CREB5: variants seen among roughly 807,000 people sequenced by gnomAD.
CREB5 encodes cAMP responsive element binding protein 5, also known as cyclic AMP-responsive element-binding protein 5.
Under a neutral mutation model 57.1 loss-of-function variants are expected in CREB5, and 19 were observed. That is an observed-to-expected ratio of 0.33 (90% confidence interval 0.23 to 0.49). The LOEUF (loss-of-function observed/expected upper bound fraction) is 0.49. CREB5 is among the 20% of genes least tolerant of loss of function. The pLI, the probability that CREB5 is intolerant of heterozygous loss-of-function variation, is 0.99. For missense variants in CREB5, 579 were observed against 671.6 expected, an observed-to-expected ratio of 0.86 and a Z score of 1.52; for synonymous variants, 238 against 238.3, an observed-to-expected ratio of 1.00 and a Z score of 0.01.
At chr7:28,499,670 G>A (rs1449056804) in intron 3 of CREB5, among the ~76,000 whole-genome samples, 1 of 152,146 alleles carries the variant, frequency 6.6e-6, no homozygotes, top group Non-Finnish European at 1.5e-5. Context: ...TGCAACCTCT[G>A]CTTCCCGGGT....
intron 4 of CREB5, among the ~76,000 whole-genome samples, chr7:28,538,719 A>G (rs148407280): frequency 1.7e-3 from 266 of 152,256 alleles, no homozygotes; most frequent in Middle Eastern, 0.01. Flanking sequence ...CCTTTCTAAT[A>G]TGTGCATTTA....
At chr7:28,506,974 C>CT (rs1001377792) in intron 3 of CREB5, among the ~76,000 whole-genome samples, 3 of 152,072 alleles carry the variant, frequency 2.0e-5, no homozygotes, top group Admixed American at 6.5e-5. Flanking sequence ...GCAGAACATT[C>CT]TTTTTTTGGC....
intron 1 of CREB5, among the ~76,000 whole-genome samples, chr7:28,429,896 C>T (rs7807779): frequency 0.21 from 32,503 of 152,126 alleles, 4,497 homozygotes; most frequent in South Asian, 0.31. Flanking sequence ...CTGGCTGGCA[C>T]CTCCTTCGCT....
At chr7:28,690,478 G>T (rs1307500479) in intron 5 of CREB5, among the ~76,000 whole-genome samples, 3 of 152,182 alleles carry the variant, frequency 2.0e-5, no homozygotes, top group Non-Finnish European at 4.4e-5. Flanking sequence ...GCAGGGTGGG[G>T]TCTCCTGAAA....
intron 5 of CREB5, among the ~76,000 whole-genome samples, chr7:28,682,089 A>G (rs1401972693): frequency 2.0e-5 from 3 of 152,192 alleles, no homozygotes; most frequent in African/African-American, 7.2e-5. Flanking sequence ...ATAGGTTTTG[A>G]CACAGGAAAG....
chr7:28,781,118 A>G (rs1175887884), intron 7 of CREB5, among the ~76,000 whole-genome samples: 1 of 152,214 alleles, frequency 6.6e-6, no homozygotes, highest in African/African-American at 2.4e-5. Context: ...ATTAGAGCCC[A>G]GACTGTAGCT....
chr7:28,675,564 GAAAC>G (rs1262271789), intron 5 of CREB5, among the ~76,000 whole-genome samples: 1 of 152,240 alleles, frequency 6.6e-6, no homozygotes, highest in African/African-American at 2.4e-5. Flanking sequence ...AGACGAGAGA[GAAAC>G]AAAAGGATCT....
chr7:28,621,199 T>TG (rs903015902), intron 5 of CREB5, among the ~76,000 whole-genome samples: 2 of 90,078 alleles, frequency 2.2e-5, no homozygotes, highest in African/African-American at 4.2e-5. Flanking sequence ...GGTTGGGGGG[T>TG]GGGGGTCACA....
At chr7:28,384,933 A>G (rs1351015470) in intron 1 of CREB5, among the ~76,000 whole-genome samples, 3 of 152,210 alleles carry the variant, frequency 2.0e-5, no homozygotes, top group Non-Finnish European at 4.4e-5. Flanking sequence ...GTCTTAGTCC[A>G]GAGATGTTTA....
chr7:28,483,419 C>T (rs191468804), intron 1 of CREB5, among the ~76,000 whole-genome samples: 1 of 152,170 alleles, frequency 6.6e-6, no homozygotes, highest in Non-Finnish European at 1.5e-5. Context: ...CATGAAAAAC[C>T]TCAACTCACT....
intron 1 of CREB5, among the ~76,000 whole-genome samples, chr7:28,331,968 A>G (rs754850548): frequency 2.0e-5 from 3 of 152,150 alleles, no homozygotes; most frequent in Non-Finnish European, 4.4e-5. Flanking sequence ...ACCTTTGAAT[A>G]TAACTATTTG....
chr7:28,383,746 G>A (rs1015470153), intron 1 of CREB5, among the ~76,000 whole-genome samples: 1 of 152,134 alleles, frequency 6.6e-6, no homozygotes, highest in African/African-American at 2.4e-5. Flanking sequence ...GTCCAACATG[G>A]GGGATTACAA....
At chr7:28,708,965 T>A (rs1802266844) in intron 5 of CREB5, among the ~76,000 whole-genome samples, 1 of 152,194 alleles carries the variant, frequency 6.6e-6, no homozygotes, top group Non-Finnish European at 1.5e-5. Context: ...GGCTACTTAT[T>A]TGTCCTTGTG....
chr7:28,693,400 C>T (rs1178378931), intron 5 of CREB5, among the ~76,000 whole-genome samples: 4 of 152,230 alleles, frequency 2.6e-5, no homozygotes, highest in Non-Finnish European at 5.9e-5. Context: ...ATTGAAGTCA[C>T]GTTGGGCTGC....
intron 4 of CREB5, among the ~76,000 whole-genome samples, chr7:28,557,884 G>T (rs960995774): frequency 6.6e-6 from 1 of 152,140 alleles, no homozygotes; most frequent in African/African-American, 2.4e-5. Flanking sequence ...CAGGTTTCTG[G>T]AGCACCTTAC....
intron 1 of CREB5, among the ~76,000 whole-genome samples, chr7:28,414,551 T>G (rs115376498): frequency 0.026 from 3,941 of 152,276 alleles, 136 homozygotes; most frequent in African/African-American, 0.083. Context: ...TAAACAGACT[T>G]AAAGACACAG....
At chr7:28,750,911 A>G (rs1804941574) in intron 7 of CREB5, among the ~76,000 whole-genome samples, 1 of 152,194 alleles carries the variant, frequency 6.6e-6, no homozygotes, top group African/African-American at 2.4e-5. Context: ...TCAGAACTGT[A>G]CTAAACATAG....
intron 2 of CREB5, among the ~76,000 whole-genome samples, chr7:28,489,905 A>C (rs1172569898): frequency 6.6e-6 from 1 of 152,220 alleles, no homozygotes; most frequent in African/African-American, 2.4e-5. Flanking sequence ...ATCCTGCTAG[A>C]CCAGGACTCT....
chr7:28,699,801 C>T (rs6462098), intron 5 of CREB5, among the ~76,000 whole-genome samples: 138,787 of 152,078 alleles, frequency 0.91, 63,416 homozygotes, highest in Admixed American at 0.93. Context: ...GGGGTTTTTT[C>T]GCTCTGAAAA....
Sources: gnomAD v4.1 joint callset for allele counts (sites outside exome capture counted in the v4.1 genomes callset) on GRCh38, gnomAD v4.1.1 for gene constraint, MANE v1.5 for transcripts, NCBI Gene and HGNC (gene_info 2026-07-23, HGNC 2026-07-21) for gene names.